The following UBR2 variants were observed in gnomAD, a reference collection of about 807,000 sequenced individuals.
UBR2 encodes E3 ubiquitin-protein ligase UBR2.
UBR2 carries 92 observed loss-of-function variants against 247.9 expected under a neutral mutation model. The observed-to-expected ratio is 0.37, with a 90% CI of 0.31 to 0.44. The LOEUF (loss-of-function observed/expected upper bound fraction) is 0.44. Ranked by LOEUF, UBR2 falls within the 20% of genes least tolerant of loss-of-function variation. UBR2 has a pLI of 1.00. For missense variants in UBR2, 1,613 were observed against 2,112.6 expected, an observed-to-expected ratio of 0.76 and a Z score of 4.64; for synonymous variants, 672 against 693.5, an observed-to-expected ratio of 0.97 and a Z score of 0.49.
At chr6:42,597,248 T>C (rs1582485380) in intron 4 of UBR2, among the ~76,000 whole-genome samples, 1 of 152,248 alleles carries the variant, frequency 6.6e-6, no homozygotes, top group East Asian at 1.9e-4. Flanking sequence ...TGTATACTCC[T>C]GGAACTAGAC....
chr6:42,679,979 GTTGT>G (rs1798938310), intron 42 of UBR2, 147 bp downstream of exon 42: 3 of 598,308 alleles, frequency 5.0e-6, no homozygotes, highest in East Asian at 3.1e-5. Context: ...GCCTTTTGTT[GTTGT>G]TTGTTTTGTT....
chr6:42,678,723 G>C (rs1303030725), intron 41 of UBR2, 54 bp downstream of exon 41: 38 of 1,550,178 alleles, frequency 2.5e-5, no homozygotes, highest in Admixed American at 8.4e-5. Context: ...CTTTACTCCA[G>C]CAAATATAAA....
At chr6:42,620,104 A>G in intron 11 of UBR2, 4 of 780,650 alleles carry the variant, frequency 5.1e-6, no homozygotes, top group Non-Finnish European at 6.2e-6. Flanking sequence ...CTTTTCCATA[A>G]TGGTTAAACC....
At chr6:42,679,609 C>A (rs1259680746) in intron 41 of UBR2, 115 bp from the exon 42 acceptor site, 95 of 748,858 alleles carry the variant, frequency 1.3e-4, no homozygotes, top group Non-Finnish European at 2.4e-5. Flanking sequence ...AAGTTACGTA[C>A]CTGGCAAATT....
rs3736744 is a variant in UBR2 at position 42,662,394 on chromosome 6, C to T, written c.3536+117C>T. Reference sequence around the variant, plus strand: ...AAGAACTAAAAATGTTGAAAAAATCCGTATCATTGCCTAATAAATAACAAA... The same window carrying T: ...AAGAACTAAAAATGTTGAAAAAATCTGTATCATTGCCTAATAAATAACAAA... On this transcript the variant is annotated intron_variant, in intron 31 of 46. Coordinates refer to ENST00000372901, the MANE Select transcript of UBR2 (RefSeq NM_001363705.2). The T allele has an allele frequency of 2.9e-3, 1,822 of 630,272 alleles. 16 individuals carry two copies. Among genetic ancestry groups the T allele is most frequent in the African/African-American group, 0.025 (1,335 of 53,174 alleles). 39.0% of individuals were successfully genotyped at this position (630,272 alleles called of 1,614,324 possible). A position where few individuals can be genotyped will look rare whatever the true frequency, so the allele number is the denominator to read the frequency against.
intron 4 of UBR2, among the ~76,000 whole-genome samples, chr6:42,599,778 G>T (rs1391742163): frequency 6.6e-6 from 1 of 152,058 alleles, no homozygotes; most frequent in Non-Finnish European, 1.5e-5. Flanking sequence ...AGCCTCCCCA[G>T]TAGCTGCGAC....
At chr6:42,684,764 A>G in intron 43 of UBR2, 30 bp from the exon 44 acceptor site, 1 of 1,548,484 alleles carries the variant, frequency 6.5e-7, no homozygotes, top group African/African-American at 1.4e-5. Flanking sequence ...AAATTAATGG[A>G]GTGTTCTTTA....
At chr6:42,674,550 C>T (rs913118766) in intron 38 of UBR2, among the ~76,000 whole-genome samples, 2 of 152,076 alleles carry the variant, frequency 1.3e-5, no homozygotes, top group Non-Finnish European at 2.9e-5. Flanking sequence ...CACTTGAGGT[C>T]AGGAGTTTGA....
At chr6:42,599,960 A>G (rs970018655) in intron 4 of UBR2, among the ~76,000 whole-genome samples, 1 of 152,192 alleles carries the variant, frequency 6.6e-6, no homozygotes, top group Non-Finnish European at 1.5e-5. Flanking sequence ...AGTGGTATTA[A>G]TAATAGATTT....
chr6:42,603,504 T>G, intron 4 of UBR2, 84 bp from the exon 5 acceptor site: 2 of 1,331,472 alleles, frequency 1.5e-6, no homozygotes, highest in Non-Finnish European at 1.9e-6. Context: ...TACTATACTA[T>G]TTTGAGGGAT....
chr6:42,600,574 G>A (rs1025058225), intron 4 of UBR2, among the ~76,000 whole-genome samples: 2 of 146,388 alleles, frequency 1.4e-5, no homozygotes, highest in African/African-American at 2.6e-5. Flanking sequence ...ATTTGTGTAC[G>A]GAGATGGCAG....
rs748718042 is a variant in UBR2, at chr6:42,659,621, G to A, written c.3243-35G>A. The A allele has an allele frequency of 6.3e-7, 1 of 1,588,906 alleles. No homozygotes were observed. The highest frequency in any genetic ancestry group is 8.6e-7 in the Non-Finnish European group (1 of 1,164,556). On this transcript the variant is annotated intron_variant, in intron 29 of 46. Transcript: ENST00000372901. This position sits in a 1 kb window ranked among gnomAD's most constrained non-coding sequence, Gnocchi z 4.3. ...TTTGTGATTATATAGAAAGTTTTGG[G>A]ATCATTAATTATATTCATAACCTTT...
rs373365814 is a variant in UBR2 at position 42,663,211 on chromosome 6, A to G, written c.3537-47A>G. 12 of 1,432,718 alleles carry G rather than the reference A, an allele frequency of 8.4e-6. No homozygotes were observed. In the African/African-American group the frequency reaches 1.6e-4, roughly 19 times the overall value. 88.8% of individuals were successfully genotyped at this position (1,432,718 alleles called of 1,614,324 possible). A position where few individuals can be genotyped will look rare whatever the true frequency, so the allele number is the denominator to read the frequency against. ...ATGTTGAAGCTTATGGCTGTCATTTATGTAAATTACCATTGTTTTGATACC... is the reference window on the plus strand; with the variant it reads ...ATGTTGAAGCTTATGGCTGTCATTTGTGTAAATTACCATTGTTTTGATACC... On this transcript the variant is annotated intron_variant, in intron 31 of 46. Coordinates refer to ENST00000372901, the MANE Select transcript of UBR2 (RefSeq NM_001363705.2).
intron 30 of UBR2, among the ~76,000 whole-genome samples, chr6:42,660,783 G>A (rs535419192): frequency 1.3e-5 from 2 of 151,174 alleles, no homozygotes; most frequent in African/African-American, 2.4e-5. Flanking sequence ...CCAACATGGC[G>A]AAACCCCATC....
chr6:42,587,757 C>A (rs1312160312), intron 2 of UBR2, among the ~76,000 whole-genome samples: 1 of 152,078 alleles, frequency 6.6e-6, no homozygotes, highest in Non-Finnish European at 1.5e-5. Flanking sequence ...ACTGTGGATT[C>A]TAATTATTAG....
At position 42,629,758 on chromosome 6, in the gene UBR2, T is replaced by C. The variant is rs186871101; in HGVS notation, c.1282-2794T>C. ...CTGGTATTTAATGTTGAAAATTACT[T>C]TGAAAGGTTAGCAACAATTTCTTAG... On this transcript the variant is annotated intron_variant, in intron 11 of 46. Coordinates refer to ENST00000372901, the MANE Select transcript of UBR2 (RefSeq NM_001363705.2). Among the ~76,000 whole-genome samples the C allele has an allele frequency of 2.0e-5, 3 of 152,284 alleles. No individual in the cohort carries two copies. In the East Asian group the frequency reaches 5.8e-4, roughly 29 times the overall value.
At chr6:42,665,605 C>G (rs962979172) in intron 33 of UBR2, 93 bp downstream of exon 33, 18 of 1,001,394 alleles carry the variant, frequency 1.8e-5, no homozygotes, top group Non-Finnish European at 2.3e-5. Flanking sequence ...GTGAAACCTC[C>G]CATTTAAAAT....
chr6:42,576,622 C>T (rs1372404630), intron 2 of UBR2, among the ~76,000 whole-genome samples: 12 of 150,952 alleles, frequency 7.9e-5, no homozygotes, highest in African/African-American at 7.3e-5. Flanking sequence ...TTCTGCCTCC[C>T]GGATTCAAGT....
chr6:42,658,215 G>A, intron 27 of UBR2, 25 bp from the exon 28 acceptor site: 4 of 1,609,592 alleles, frequency 2.5e-6, no homozygotes, highest in Middle Eastern at 3.3e-4. Context: ...TTTCATACAG[G>A]ATACTGATAC....
Sources: gnomAD v4.1 joint callset for allele counts (sites outside exome capture counted in the v4.1 genomes callset) on GRCh38, gnomAD v4.1.1 for gene constraint, Gnocchi (gnomAD v3.1) non-coding constraint, MANE v1.5 for transcripts, NCBI Gene and HGNC (gene_info 2026-07-23, HGNC 2026-07-21) for gene names.